The following CREB3L2 variants were observed in gnomAD, a reference collection of about 807,000 sequenced individuals.
CREB3L2 encodes the protein cAMP responsive element binding protein 3 like 2.
A neutral mutation model predicts 57.2 loss-of-function variants in CREB3L2; 23 were observed. The observed-to-expected ratio is 0.40, with a 90% CI of 0.29 to 0.57. The LOEUF (loss-of-function observed/expected upper bound fraction) is 0.57. Ranked by LOEUF, CREB3L2 falls within the 20% of genes least tolerant of loss-of-function variation. CREB3L2 has a pLI of 0.42. For synonymous variants in CREB3L2, 268 were observed against 265.1 expected, an observed-to-expected ratio of 1.01 and a Z score of -0.11; for missense variants, 628 against 634.7, an observed-to-expected ratio of 0.99 and a Z score of 0.11.
chr7:137,940,910 G>A (rs1800870811), intron 1 of CREB3L2, among the ~76,000 whole-genome samples: 1 of 152,210 alleles, frequency 6.6e-6, no homozygotes, highest in African/African-American at 2.4e-5. Context: ...AAATGCTCAG[G>A]CATGACTCTG....
In CREB3L2 at chr7:137,882,208, G is replaced by A. The variant is rs1247214359; in HGVS notation, c.1487+204C>T. ...ATGCAGCAGACATAGGGGAGCTCAC[G>A]CTGGTTTTTTTCCTCATCTCTGCTC... On this transcript the variant is annotated intron_variant, in intron 11 of 11. Transcript: ENST00000330387. Among the ~76,000 whole-genome samples, 8 of 152,146 alleles carry A rather than the reference G, an allele frequency of 5.3e-5. No individual in the cohort carries two copies. The East Asian group carries it at 9.7e-4, about 18-fold the overall frequency.
At chr7:137,926,681 T>C (rs956194102) in intron 2 of CREB3L2, among the ~76,000 whole-genome samples, 2 of 152,102 alleles carry the variant, frequency 1.3e-5, no homozygotes, top group Non-Finnish European at 2.9e-5. Flanking sequence ...TACAGTGGTA[T>C]AAGAACAAGA....
intron 1 of CREB3L2, among the ~76,000 whole-genome samples, chr7:137,937,414 C>T (rs539549826): frequency 1.3e-5 from 2 of 152,334 alleles, no homozygotes; most frequent in African/African-American, 4.8e-5. Flanking sequence ...CCCTCCTCCC[C>T]TTGCAGGGAG....
chr7:137,949,322 T>C (rs1225705359), intron 1 of CREB3L2, among the ~76,000 whole-genome samples: 1 of 152,138 alleles, frequency 6.6e-6, no homozygotes, highest in Admixed American at 6.5e-5. Context: ...AAAAAGAACA[T>C]GTCAGAAACT....
chr7:137,982,447 T>TG (rs35215109), intron 1 of CREB3L2, among the ~76,000 whole-genome samples: 60,604 of 151,924 alleles, frequency 0.4, 14,143 homozygotes, highest in African/African-American at 0.66. Flanking sequence ...CATCTTGAAT[T>TG]TAGCTCCCGC....
At chr7:137,922,485 TACACACAC>T (rs142520842) in intron 2 of CREB3L2, 4 of 177,018 alleles carry the variant, frequency 2.3e-5, no homozygotes, top group African/African-American at 1.3e-4. Context: ...CATATATATA[TACACACAC>T]ACACACACAC....
intron 7 of CREB3L2, among the ~76,000 whole-genome samples, chr7:137,901,889 A>AAAG (rs1554495256): frequency 1.3e-5 from 2 of 148,628 alleles, no homozygotes; most frequent in African/African-American, 4.9e-5. Context: ...AAAAAAAAAA[A>AAAG]AAAGAAAAAT....
chr7:137,922,370 CTA>C (rs201270472), intron 2 of CREB3L2, among the ~76,000 whole-genome samples: 47 of 100,754 alleles, frequency 4.7e-4, no homozygotes, highest in African/African-American at 2.1e-3. Context: ...TTCTGGTTTA[CTA>C]TATATATATA....
intron 8 of CREB3L2, among the ~76,000 whole-genome samples, chr7:137,893,897 C>T (rs1379912108): frequency 6.6e-6 from 1 of 152,244 alleles, no homozygotes; most frequent in African/African-American, 2.4e-5. Context: ...AGCAGCCCAA[C>T]ACCTGCTCCT....
chr7:137,941,019 C>T (rs771922358), intron 1 of CREB3L2, among the ~76,000 whole-genome samples: 5 of 152,198 alleles, frequency 3.3e-5, no homozygotes, highest in Non-Finnish European at 5.9e-5. Context: ...CACTTTGGCT[C>T]CTGCTCTGTG....
intron 1 of CREB3L2, among the ~76,000 whole-genome samples, chr7:137,944,171 C>T (rs779492805): frequency 5.4e-4 from 82 of 152,234 alleles, no homozygotes; most frequent in Non-Finnish European, 8.7e-4. Flanking sequence ...CTTTTGCTTA[C>T]CTTTGTTTAA....
In CREB3L2 at chr7:137,939,894, C is replaced by T. The variant is rs138407739; in HGVS notation, c.103-11528G>A. ...ACAAGCCAAGGCCAAAAAATGTTTGCTTTTAACCCTCCCACACTTAAGAGC... is the reference window on the plus strand; with the variant it reads ...ACAAGCCAAGGCCAAAAAATGTTTGTTTTTAACCCTCCCACACTTAAGAGC... On this transcript the variant is annotated intron_variant, in intron 1 of 11. Transcript: ENST00000330387. Among the ~76,000 whole-genome samples the T allele has an allele frequency of 2.2e-3, 331 of 152,296 alleles. 1 individual carries two copies. Among genetic ancestry groups the T allele is most frequent in the African/African-American group, 7.2e-3 (299 of 41,576 alleles).
chr7:138,000,372 A>G (rs1234636150), intron 1 of CREB3L2, among the ~76,000 whole-genome samples: 1 of 152,230 alleles, frequency 6.6e-6, no homozygotes, highest in Non-Finnish European at 1.5e-5. Flanking sequence ...CAAGCTCAGC[A>G]AGCAAAGCCC....
intron 1 of CREB3L2, among the ~76,000 whole-genome samples, chr7:137,939,281 G>C (rs924536637): frequency 6.6e-6 from 1 of 152,204 alleles, no homozygotes; most frequent in Non-Finnish European, 1.5e-5. Context: ...CCCGAGGGTA[G>C]AGACAGTGGG....
chr7:137,972,732 TATATAGAGAGAGAG>T lies in CREB3L2; in HGVS notation c.102+28858_102+28871del, dbSNP rs1163714562. On this transcript the variant is annotated intron_variant, in intron 1 of 11. Transcript: ENST00000330387. ...AAAAAAATATATATATATATATATA[TATATAGAGAGAGAG>T]AGAGAGAGAGAGAGAGAGAGAGAGA... 9.1e-3 allele frequency among the ~76,000 whole-genome samples: 245 copies of T among 26,792 alleles called. 5 individuals are homozygous for T. The highest frequency in any genetic ancestry group is 0.058 in the Admixed American group (97 of 1,664). 17.6% of individuals were successfully genotyped at this position (26,792 alleles called of 152,430 possible). A position where few individuals can be genotyped will look rare whatever the true frequency, so the allele number is the denominator to read the frequency against.
At chr7:137,979,711 T>G (rs9969128) in intron 1 of CREB3L2, among the ~76,000 whole-genome samples, 49,724 of 149,632 alleles carry the variant, frequency 0.33, 10,038 homozygotes, top group African/African-American at 0.58. Flanking sequence ...GGGCAACAGA[T>G]CGAGACTCCG....
chr7:137,949,321 A>C (rs1001039629), intron 1 of CREB3L2, among the ~76,000 whole-genome samples: 4 of 152,212 alleles, frequency 2.6e-5, no homozygotes, highest in African/African-American at 9.7e-5. Context: ...AAAAAAGAAC[A>C]TGTCAGAAAC....
chr7:137,940,706 C>T (rs1035934930), intron 1 of CREB3L2, among the ~76,000 whole-genome samples: 1 of 152,184 alleles, frequency 6.6e-6, no homozygotes, highest in Non-Finnish European at 1.5e-5. Context: ...ATGCCAAAAA[C>T]ATCAGGTATG....
intron 1 of CREB3L2, among the ~76,000 whole-genome samples, chr7:137,966,745 C>CA (rs1801414276): frequency 6.6e-6 from 1 of 152,216 alleles, no homozygotes; most frequent in Non-Finnish European, 1.5e-5. Flanking sequence ...GGCTTACTGA[C>CA]AAGCTGCTAG....
Sources: allele counts gnomAD v4.1 joint callset (sites outside exome capture counted in the v4.1 genomes callset), GRCh38; gene constraint gnomAD v4.1.1; transcripts MANE v1.5; gene names NCBI Gene and HGNC (gene_info 2026-07-23, HGNC 2026-07-21).